Variants in CALD1 observed in about 807,000 individuals in gnomAD.
CALD1 encodes caldesmon.
A neutral mutation model predicts 99.9 loss-of-function variants in CALD1; 33 were observed. The ratio of observed to expected loss-of-function variants is 0.33; its 90% CI spans 0.25 to 0.44. CALD1 has a LOEUF of 0.44. CALD1 is among the 20% of genes least tolerant of loss of function. CALD1 has a pLI of 1.00. For missense variants in CALD1, 861 were observed against 962.1 expected, an observed-to-expected ratio of 0.89 and a Z score of 1.39; for synonymous variants, 310 against 325.0, an observed-to-expected ratio of 0.95 and a Z score of 0.50.
At chr7:134,784,794 A>G (rs1797243603) in intron 1 of CALD1, among the ~76,000 whole-genome samples, 1 of 152,188 alleles carries the variant, frequency 6.6e-6, no homozygotes, top group South Asian at 2.1e-4. Context: ...AGAGGATCCC[A>G]GCCGCGGTCC....
chr7:134,715,087 T>C, the CALD1 span, among the ~76,000 whole-genome samples: 1 of 152,236 alleles, frequency 6.6e-6, no homozygotes, highest in Non-Finnish European at 1.5e-5. Context: ...GGCTATGCCT[T>C]GTTGCAAAGA....
chr7:134,718,231 G>A, the CALD1 span, among the ~76,000 whole-genome samples: 2 of 152,170 alleles, frequency 1.3e-5, no homozygotes, highest in Non-Finnish European at 2.9e-5. Context: ...AGGATTGTGT[G>A]AATTTACACT....
Position 134,965,392 on chromosome 7 carries a change from C to A in CALD1, c.2376+6C>A. ...AGGTCACTTCCCCCACTAAGGTAAT[C>A]TATTGGGAAGACTAGTATTTCAGAG... On this transcript the variant is annotated splice_donor_region_variant and intron_variant, in intron 14 of 14. Transcript: ENST00000361675. 2 of 1,382,008 alleles carry A rather than the reference C, an allele frequency of 1.4e-6. No individual in the cohort carries two copies. The highest frequency in any genetic ancestry group is 1.4e-5 in the African/African-American group (1 of 70,616). The allele number at this position is 1,382,008 out of a possible 1,614,324, so 85.6% of individuals were successfully genotyped here.
At chr7:134,750,356 G>A (rs1029607062) in intron 1 of CALD1, among the ~76,000 whole-genome samples, 1 of 152,114 alleles carries the variant, frequency 6.6e-6, no homozygotes, top group Non-Finnish European at 1.5e-5. Flanking sequence ...GTGGAATACA[G>A]GAGCGTGGGT....
intron 3 of CALD1, among the ~76,000 whole-genome samples, chr7:134,900,327 G>A (rs1281175972): frequency 1.3e-5 from 2 of 152,100 alleles, no homozygotes; most frequent in Admixed American, 1.3e-4. Flanking sequence ...TGAATGTTAT[G>A]GTATGCCTGC....
At chr7:134,781,609 A>AAG (rs138387287) in intron 1 of CALD1, among the ~76,000 whole-genome samples, 5 of 70,190 alleles carry the variant, frequency 7.1e-5, no homozygotes, top group Admixed American at 1.6e-4. Context: ...AGCACAATGA[A>AAG]AACAGTAACT....
chr7:134,853,899 TC>T (rs1800188326), intron 2 of CALD1, among the ~76,000 whole-genome samples: 1 of 122,400 alleles, frequency 8.2e-6, no homozygotes, highest in Non-Finnish European at 1.6e-5. Flanking sequence ...TGTGTGATGT[TC>T]CCCTCCCTGT....
intron 3 of CALD1, among the ~76,000 whole-genome samples, chr7:134,873,033 A>C (rs1215388910): frequency 6.6e-6 from 1 of 152,046 alleles, no homozygotes; most frequent in Non-Finnish European, 1.5e-5. Flanking sequence ...AAATACAAAA[A>C]AAAATTCGCT....
At chr7:134,898,252 A>G (rs1802726396) in intron 3 of CALD1, among the ~76,000 whole-genome samples, 1 of 152,246 alleles carries the variant, frequency 6.6e-6, no homozygotes, top group South Asian at 2.1e-4. Flanking sequence ...TGTAATTCAC[A>G]GGGTGAGCAA....
chr7:134,908,709 C>T (rs10226527), intron 3 of CALD1, among the ~76,000 whole-genome samples: 1,708 of 152,240 alleles, frequency 0.011, 36 homozygotes, highest in African/African-American at 0.036. Flanking sequence ...TTGAGGACCT[C>T]GAGAAGCAAC....
intron 1 of CALD1, among the ~76,000 whole-genome samples, chr7:134,830,638 C>T (rs1198128650): frequency 6.6e-6 from 1 of 152,118 alleles, no homozygotes; most frequent in South Asian, 2.1e-4. Context: ...ATTTAACTCC[C>T]ACTTATAAGT....
intron 1 of CALD1, among the ~76,000 whole-genome samples, chr7:134,815,734 T>G (rs1453422715): frequency 6.6e-6 from 1 of 152,108 alleles, no homozygotes; most frequent in East Asian, 1.9e-4. Context: ...AATGAATTAG[T>G]GGAACTGAGA....
At chr7:134,782,717 C>T (rs1222781767) in intron 1 of CALD1, among the ~76,000 whole-genome samples, 2 of 152,188 alleles carry the variant, frequency 1.3e-5, no homozygotes, top group East Asian at 3.8e-4. Flanking sequence ...AGATTCTATA[C>T]CCTGAACTGC....
chr7:134,787,367 G>A (rs1457260966), intron 1 of CALD1, among the ~76,000 whole-genome samples: 1 of 152,154 alleles, frequency 6.6e-6, no homozygotes, highest in African/African-American at 2.4e-5. Context: ...AGGCTTAGGG[G>A]GAGGGGTGAA....
At chr7:134,748,890 C>T (rs1796659921) in intron 1 of CALD1, among the ~76,000 whole-genome samples, 1 of 152,016 alleles carries the variant, frequency 6.6e-6, no homozygotes, top group Admixed American at 6.6e-5. Context: ...TCAGAGCAGT[C>T]CTCATGTATG....
intron 3 of CALD1, among the ~76,000 whole-genome samples, chr7:134,894,499 C>T (rs1326342583): frequency 6.6e-6 from 1 of 152,164 alleles, no homozygotes; most frequent in Non-Finnish European, 1.5e-5. Flanking sequence ...CACACAAAGC[C>T]TTCACTCCTT....
chr7:134,809,112 AC>A (rs1354530136), intron 1 of CALD1, among the ~76,000 whole-genome samples: 3 of 152,174 alleles, frequency 2.0e-5, no homozygotes, highest in African/African-American at 7.2e-5. Context: ...TCCTCCCAGC[AC>A]CCTACTTTTA....
the CALD1 span, among the ~76,000 whole-genome samples, chr7:134,711,922 G>A: frequency 6.6e-6 from 1 of 150,998 alleles, no homozygotes; most frequent in South Asian, 2.1e-4. Flanking sequence ...TTCAGAGCAG[G>A]AACCAGCTCC....
chr7:134,850,742 C>T (rs556728114), intron 2 of CALD1, among the ~76,000 whole-genome samples: 1 of 152,272 alleles, frequency 6.6e-6, no homozygotes, highest in South Asian at 2.1e-4. Flanking sequence ...TTCCCTTGTC[C>T]ACCCTTGATG....
Sources: allele counts gnomAD v4.1 joint callset (sites outside exome capture counted in the v4.1 genomes callset), GRCh38; gene constraint gnomAD v4.1.1; transcripts MANE v1.5; gene names NCBI Gene and HGNC (gene_info 2026-07-23, HGNC 2026-07-21).